SCNN1B: variants seen among roughly 807,000 people sequenced by gnomAD.
SCNN1B encodes the protein sodium channel epithelial 1 subunit beta.
SCNN1B carries 46 observed loss-of-function variants against 65.3 expected under a neutral mutation model. The ratio of observed to expected loss-of-function variants is 0.70; its 90% CI spans 0.56 to 0.90. The LOEUF (loss-of-function observed/expected upper bound fraction) is 0.90. SCNN1B is among the 40% of genes least tolerant of loss of function. The pLI is 0.00. For synonymous variants in SCNN1B, 349 were observed against 330.6 expected (o/e 1.06, Z -0.60); for missense variants, 751 against 830.5 (o/e 0.90, Z 1.18).
chr16:23,305,549 T>TAAAA (rs1961184774), intron 1 of SCNN1B, among the ~76,000 whole-genome samples: 1 of 34,554 alleles, frequency 2.9e-5, no homozygotes, highest in African/African-American at 4.0e-4. Flanking sequence ...TATATATATA[T>TAAAA]ATATATATAT....
intron 2 of SCNN1B, among the ~76,000 whole-genome samples, chr16:23,349,861 G>A (rs1962272531): frequency 6.6e-6 from 1 of 152,038 alleles, no homozygotes; most frequent in Non-Finnish European, 1.5e-5. Context: ...ATTTTGAGAG[G>A]CTGAGGTGGG....
At chr16:23,305,074 G>A (rs1028283045) in intron 1 of SCNN1B, among the ~76,000 whole-genome samples, 2 of 152,038 alleles carry the variant, frequency 1.3e-5, no homozygotes, top group Admixed American at 1.3e-4. Flanking sequence ...AGGGTCCTTT[G>A]CACTGAGCCC....
intron 4 of SCNN1B, among the ~76,000 whole-genome samples, chr16:23,366,370 T>TTTTTA (rs1251766587): frequency 7.0e-6 from 1 of 143,232 alleles, no homozygotes; most frequent in African/African-American, 2.7e-5. Flanking sequence ...TACTCCTGGC[T>TTTTTA]TTTTATTTTA....
chr16:23,345,499 C>T (rs1962167686), intron 1 of SCNN1B, among the ~76,000 whole-genome samples: 1 of 152,218 alleles, frequency 6.6e-6, no homozygotes, highest in Non-Finnish European at 1.5e-5. Context: ...TTCTCTCCAT[C>T]TCGTGCCTCT....
rs1962122437 is a variant in SCNN1B, at chr16:23,343,639, G to GAAAGAA, written c.-8-4951_-8-4946dup. 5.0e-5 allele frequency among the ~76,000 whole-genome samples: 5 copies of GAAAGAA among 99,586 alleles called. 1 individual carries two copies. The South Asian group carries it at 1.7e-3, about 34-fold the overall frequency. The allele number at this position is 99,586 out of a possible 152,430, so 65.3% of individuals were successfully genotyped here. A position where few individuals can be genotyped will look rare whatever the true frequency, so the allele number is the denominator to read the frequency against. ...AGAAAGAAAGAAAGAAAGAAAGAAA[G>GAAAGAA]AAAGAAAGAAAAAAAGAAAGGAAGG... On this transcript the variant is annotated intron_variant, in intron 1 of 12. Transcript: ENST00000343070.
intron 7 of SCNN1B, among the ~76,000 whole-genome samples, chr16:23,374,974 G>A (rs1006072921): frequency 1.2e-4 from 19 of 152,128 alleles, no homozygotes; most frequent in African/African-American, 4.1e-4. Context: ...AACCTCAGGA[G>A]ACAGGTGTCC....
chr16:23,377,605 T>TC (rs1962934282), intron 10 of SCNN1B, among the ~76,000 whole-genome samples: 11 of 27,850 alleles, frequency 3.9e-4, no homozygotes, highest in East Asian at 1.6e-3. Flanking sequence ...CTTCCTTCCT[T>TC]CCTTCTTTCT....
intron 2 of SCNN1B, among the ~76,000 whole-genome samples, chr16:23,291,012 C>A (rs1480848505): frequency 6.6e-6 from 1 of 151,278 alleles, no homozygotes; most frequent in East Asian, 1.9e-4. Flanking sequence ...GACCACACAC[C>A]TTAAAAAAAA....
intron 8 of SCNN1B, among the ~76,000 whole-genome samples, chr16:23,376,248 G>A (rs1313646603): frequency 6.6e-6 from 1 of 152,216 alleles, no homozygotes; most frequent in Non-Finnish European, 1.5e-5. Flanking sequence ...CAAATGCACA[G>A]GAGCTGTTCG....
rs747492963 is a variant in SCNN1B, at chr16:23,371,451, G to A, written c.1033G>A (p.Gly345Arg). ...CATGTCGGGGACAGAGACGTCCATCGGGGTACTCGTGGTATGGCCGGAGCC... is the reference window on the plus strand; with the variant it reads ...CATGTCGGGGACAGAGACGTCCATCAGGGTACTCGTGGTATGGCCGGAGCC... ...YAMSGTETSIGVLVDKLQRMG... is the reference protein window; with the variant it reads ...YAMSGTETSIRVLVDKLQRMG... The change falls in exon 6 of 13, where the codon GGG becomes AGG. Residue 345 changes from glycine (G) to arginine (R), a missense_variant. Transcript: ENST00000343070. 6.8e-6 allele frequency: 11 copies of A among 1,613,746 alleles called. No homozygotes were observed. Among genetic ancestry groups the A allele is most frequent in the Middle Eastern group, 1.7e-4 (1 of 5,860 alleles).
At chr16:23,283,975 G>A (rs918839738) in intron 2 of SCNN1B, among the ~76,000 whole-genome samples, 3 of 152,152 alleles carry the variant, frequency 2.0e-5, no homozygotes, top group African/African-American at 7.2e-5. Flanking sequence ...TCTGAATTTG[G>A]GGAACGAAGG....
intron 7 of SCNN1B, among the ~76,000 whole-genome samples, chr16:23,374,133 G>A (rs1007030369): frequency 5.3e-5 from 8 of 152,024 alleles, no homozygotes; most frequent in Non-Finnish European, 1.2e-4. Flanking sequence ...GGGGCGTGGT[G>A]GTGCATGCCT....
intron 2 of SCNN1B, among the ~76,000 whole-genome samples, chr16:23,288,681 C>T (rs1960884779): frequency 6.6e-6 from 1 of 152,116 alleles, no homozygotes; most frequent in Non-Finnish European, 1.5e-5. Flanking sequence ...TGGTGGTACC[C>T]ACCTGTGGTC....
At chr16:23,356,860 C>A (rs1962431796) in intron 4 of SCNN1B, among the ~76,000 whole-genome samples, 1 of 152,124 alleles carries the variant, frequency 6.6e-6, no homozygotes, top group Non-Finnish European at 1.5e-5. Flanking sequence ...TCTAGGACAA[C>A]CAGAAACGGG....
chr16:23,350,658 A>G (rs1268126271), intron 2 of SCNN1B, among the ~76,000 whole-genome samples: 5 of 152,290 alleles, frequency 3.3e-5, no homozygotes, highest in African/African-American at 1.2e-4. Context: ...CACGCCTGTA[A>G]TCTCAGCATT....
chr16:23,358,902 C>T (rs1039401276), intron 4 of SCNN1B, among the ~76,000 whole-genome samples: 2 of 152,206 alleles, frequency 1.3e-5, no homozygotes, highest in African/African-American at 4.8e-5. Flanking sequence ...GGGAGACTCT[C>T]TTAAAAAACA....
intron 7 of SCNN1B, among the ~76,000 whole-genome samples, chr16:23,374,268 GAAAA>G (rs1223701346): frequency 0.016 from 940 of 60,454 alleles, 11 homozygotes; most frequent in African/African-American, 0.026. Context: ...CCTGTCTCAG[GAAAA>G]AAAAAAAAAA....
At chr16:23,335,491 T>C (rs1434841272) in intron 1 of SCNN1B, among the ~76,000 whole-genome samples, 1 of 148,588 alleles carries the variant, frequency 6.7e-6, no homozygotes, top group Non-Finnish European at 1.5e-5. Flanking sequence ...AGTTTCTCTC[T>C]GTCGCCCAGG....
At chr16:23,315,218 T>A (rs993021784) in intron 1 of SCNN1B, among the ~76,000 whole-genome samples, 7 of 152,030 alleles carry the variant, frequency 4.6e-5, no homozygotes, top group Non-Finnish European at 1.0e-4. Flanking sequence ...ATGCCTGTAG[T>A]CCCAGCTGCT....
Sources: allele counts gnomAD v4.1 joint callset (sites outside exome capture counted in the v4.1 genomes callset), GRCh38; gene constraint gnomAD v4.1.1; transcripts MANE v1.5; gene names NCBI Gene and HGNC (gene_info 2026-07-23, HGNC 2026-07-21).